CTNNA3: variants seen among roughly 807,000 people sequenced by gnomAD.
CTNNA3 encodes catenin alpha-3.
CTNNA3 carries 76 observed loss-of-function variants against 95.7 expected under a neutral mutation model. The ratio of observed to expected loss-of-function variants is 0.79; its 90% CI spans 0.66 to 0.96. The LOEUF (loss-of-function observed/expected upper bound fraction) is 0.96. CTNNA3 is among the 40% of genes least tolerant of loss of function. The probability of loss-of-function intolerance (pLI) is 0.00; values close to 1 mark genes in which losing one functional copy is unlikely to be tolerated. For synonymous variants in CTNNA3, 431 were observed against 374.4 expected, an observed-to-expected ratio of 1.15 and a Z score of -1.74; for missense variants, 1,191 against 1,089.8, an observed-to-expected ratio of 1.09 and a Z score of -1.31.
intron 15 of CTNNA3, among the ~76,000 whole-genome samples, chr10:66,055,122 T>A (rs762360841): frequency 1.3e-5 from 2 of 152,312 alleles, no homozygotes; most frequent in South Asian, 4.1e-4. Flanking sequence ...TGGGGTACTA[T>A]AGCTTTGTAG....
At chr10:67,361,439 T>C (rs1589214836) in intron 5 of CTNNA3, among the ~76,000 whole-genome samples, 1 of 152,090 alleles carries the variant, frequency 6.6e-6, no homozygotes, top group Non-Finnish European at 1.5e-5. Context: ...TGGACCACAA[T>C]GCAATAAAAA....
At chr10:66,931,982 T>A (rs1564775751) in intron 7 of CTNNA3, among the ~76,000 whole-genome samples, 1 of 152,302 alleles carries the variant, frequency 6.6e-6, no homozygotes, top group East Asian at 1.9e-4. Context: ...AGAGTCAGCA[T>A]CAGTCATTTA....
intron 5 of CTNNA3, among the ~76,000 whole-genome samples, chr10:67,220,733 G>A (rs1209867363): frequency 6.6e-6 from 1 of 152,128 alleles, no homozygotes; most frequent in African/African-American, 2.4e-5. Context: ...CCCTGTCTAA[G>A]TGATAGGCGA....
chr10:66,510,238 T>A (rs1434588296), intron 11 of CTNNA3, among the ~76,000 whole-genome samples: 1 of 151,798 alleles, frequency 6.6e-6, no homozygotes, highest in Non-Finnish European at 1.5e-5. Flanking sequence ...GTATGTTGAT[T>A]TTTTTTATCC....
chr10:67,730,864 G>A (rs1841269823), intron 1 of CTNNA3, among the ~76,000 whole-genome samples: 1 of 152,058 alleles, frequency 6.6e-6, no homozygotes, highest in Middle Eastern at 3.2e-3. Flanking sequence ...GGGAAAAAGA[G>A]AAGTTCTAGT....
chr10:66,197,725 C>A (rs535432484), intron 13 of CTNNA3, among the ~76,000 whole-genome samples: 1 of 152,170 alleles, frequency 6.6e-6, no homozygotes, highest in South Asian at 2.1e-4. Flanking sequence ...ATTTTAGTTT[C>A]ATTTGAGGTC....
chr10:67,316,803 C>T (rs919834767), intron 5 of CTNNA3, among the ~76,000 whole-genome samples: 2 of 152,030 alleles, frequency 1.3e-5, no homozygotes, highest in Non-Finnish European at 2.9e-5. Context: ...TGATTTTCCC[C>T]CTTGAAAATA....
chr10:67,305,377 T>A (rs1022362198), intron 5 of CTNNA3, among the ~76,000 whole-genome samples: 820 of 79,526 alleles, frequency 0.01, 2 homozygotes, highest in Middle Eastern at 0.015. Context: ...AAAAAAAAAA[T>A]TAAAAAAAAA....
intron 11 of CTNNA3, among the ~76,000 whole-genome samples, chr10:66,409,762 G>C (rs1015263486): frequency 6.6e-6 from 1 of 152,078 alleles, no homozygotes; most frequent in African/African-American, 2.4e-5. Context: ...TTAATAGTTA[G>C]GTCAACATCT....
chr10:66,345,400 A>G (rs74141449), intron 12 of CTNNA3, among the ~76,000 whole-genome samples: 1,763 of 152,226 alleles, frequency 0.012, 24 homozygotes, highest in African/African-American at 0.035. Flanking sequence ...GATTTTGATG[A>G]CCAGCGTTAA....
intron 5 of CTNNA3, among the ~76,000 whole-genome samples, chr10:67,379,798 G>C (rs1358694697): frequency 6.6e-6 from 1 of 151,970 alleles, no homozygotes; most frequent in Non-Finnish European, 1.5e-5. Flanking sequence ...GAGGCGGGCG[G>C]ATCACGAGGT....
At chr10:67,749,602 T>C (rs182071105) in intron 1 of CTNNA3, among the ~76,000 whole-genome samples, 33 of 152,334 alleles carry the variant, frequency 2.2e-4, no homozygotes, top group Non-Finnish European at 2.8e-4. Flanking sequence ...CAAGAAGCTA[T>C]TTGAAACCAA....
At chr10:67,636,080 T>C (rs1381906746) in intron 2 of CTNNA3, among the ~76,000 whole-genome samples, 1 of 151,834 alleles carries the variant, frequency 6.6e-6, no homozygotes, top group Non-Finnish European at 1.5e-5. Flanking sequence ...GCTACAAAAA[T>C]AATAAAAGAT....
intron 17 of CTNNA3, among the ~76,000 whole-genome samples, chr10:65,962,870 A>G (rs943440483): frequency 6.6e-6 from 1 of 152,106 alleles, no homozygotes; most frequent in Admixed American, 6.6e-5. Flanking sequence ...TCCATGTCCC[A>G]GCAAAGGACA....
intron 11 of CTNNA3, among the ~76,000 whole-genome samples, chr10:66,454,818 G>A (rs964905922): frequency 6.8e-6 from 1 of 146,020 alleles, no homozygotes; most frequent in Non-Finnish European, 1.5e-5. Context: ...GGGAGAGGAG[G>A]GGGAGGAGGG....
intron 10 of CTNNA3, among the ~76,000 whole-genome samples, chr10:66,550,299 C>A (rs1348547079): frequency 6.6e-6 from 1 of 152,014 alleles, no homozygotes; most frequent in African/African-American, 2.4e-5. Context: ...TTTTTACTTA[C>A]CTTCAGTCTG....
intron 15 of CTNNA3, among the ~76,000 whole-genome samples, chr10:66,032,188 C>T (rs1283130417): frequency 1.3e-5 from 2 of 151,918 alleles, no homozygotes; most frequent in African/African-American, 2.4e-5. Context: ...TTCTTTAGTG[C>T]ACAATATTTC....
At chr10:67,345,758 G>C (rs1472126398) in intron 5 of CTNNA3, among the ~76,000 whole-genome samples, 1 of 151,884 alleles carries the variant, frequency 6.6e-6, no homozygotes, top group Non-Finnish European at 1.5e-5. Context: ...CAGATCAATG[G>C]GTCTTATTTT....
chr10:65,961,528 A>C (rs766047070), intron 17 of CTNNA3, among the ~76,000 whole-genome samples: 5 of 152,148 alleles, frequency 3.3e-5, no homozygotes, highest in Non-Finnish European at 5.9e-5. Context: ...GTGCAAAAAT[A>C]TGACTATGAT....
Sources: allele counts gnomAD v4.1 joint callset (sites outside exome capture counted in the v4.1 genomes callset), GRCh38; gene constraint gnomAD v4.1.1; transcripts MANE v1.5; gene names NCBI Gene and HGNC (gene_info 2026-07-23, HGNC 2026-07-21).